Variants in C9 observed in about 807,000 individuals in gnomAD.
C9 encodes complement C9, also known as complement component C9.
Under a neutral mutation model 65.4 loss-of-function variants are expected in C9, and 63 were observed. The observed-to-expected ratio is 0.96, with a 90% CI of 0.79 to 1.19. The LOEUF is 1.19. Among genes scored for constraint, C9 ranks in the 50% most tolerant of loss-of-function variants. The pLI is 0.00. For missense variants in C9, 744 were observed against 670.1 expected, an observed-to-expected ratio of 1.11 and a Z score of -1.22; for synonymous variants, 229 against 227.9, an observed-to-expected ratio of 1.00 and a Z score of -0.04.
intron 1 of C9, among the ~76,000 whole-genome samples, chr5:39,357,493 G>C (rs1431244803): frequency 6.6e-6 from 1 of 152,210 alleles, no homozygotes; most frequent in East Asian, 1.9e-4. Context: ...AATTGTTCTA[G>C]TGGCTAAGGT....
chr5:39,314,762 C>T (rs1197474997), intron 6 of C9, among the ~76,000 whole-genome samples: 1 of 152,174 alleles, frequency 6.6e-6, no homozygotes, highest in Non-Finnish European at 1.5e-5. Context: ...TAAGCCTGAG[C>T]TTCCTTTTTA....
At chr5:39,298,674 A>G (rs1230628928) in intron 9 of C9, among the ~76,000 whole-genome samples, 1 of 151,792 alleles carries the variant, frequency 6.6e-6, no homozygotes, top group Non-Finnish European at 1.5e-5. Context: ...CAAACATTTA[A>G]AAAAGACATA....
rs772422977 is a variant in C9 at position 39,285,194 on chromosome 5, C to T, written c.*5G>A. The T allele has an allele frequency of 1.2e-6, 2 of 1,612,376 alleles. No homozygotes were observed. The highest frequency in any genetic ancestry group is 2.2e-5 in the South Asian group (2 of 91,046). ...TTCCACTGGAGCTCAGAGAAGCCAA[C>T]AGCTCTATTTTTCATTGGGGAACTC... On this transcript the variant is annotated 3_prime_UTR_variant, in exon 11 of 11. Transcript: ENST00000263408.
chr5:39,355,979 T>C (rs1429345855), intron 1 of C9, among the ~76,000 whole-genome samples: 9 of 152,208 alleles, frequency 5.9e-5, no homozygotes, highest in Admixed American at 5.9e-4. Context: ...TACAGTCACA[T>C]TAATAGGTAT....
intron 9 of C9, among the ~76,000 whole-genome samples, chr5:39,299,021 G>A (rs1240624915): frequency 2.0e-5 from 3 of 151,786 alleles, no homozygotes; most frequent in Admixed American, 1.3e-4. Context: ...AGCAAACTAG[G>A]AATTAAAGGG....
intron 1 of C9, among the ~76,000 whole-genome samples, chr5:39,343,912 C>CGGTCTGGATACCCAGCAAACAA (rs1336116225): frequency 6.6e-6 from 1 of 152,210 alleles, no homozygotes; most frequent in African/African-American, 2.4e-5. Context: ...CCAGCAAACA[C>CGGTCTGGATACCCAGCAAACAA]GGTCTGGAGT....
intron 1 of C9, among the ~76,000 whole-genome samples, chr5:39,361,080 C>A (rs1754508441): frequency 6.7e-6 from 1 of 149,898 alleles, no homozygotes. Flanking sequence ...CATATTGACT[C>A]AGAAAGTTAT....
intron 1 of C9, among the ~76,000 whole-genome samples, chr5:39,352,836 T>G (rs961284564): frequency 7.9e-6 from 1 of 125,920 alleles, no homozygotes; most frequent in South Asian, 2.2e-4. Flanking sequence ...AAGTCTAAGT[T>G]TTTTTTTTTT....
chr5:39,330,734 T>C (rs139845023), intron 5 of C9, among the ~76,000 whole-genome samples: 7 of 152,276 alleles, frequency 4.6e-5, no homozygotes, highest in African/African-American at 9.6e-5. Flanking sequence ...TTCTGACTTA[T>C]AGGTATAAGA....
chr5:39,311,813 T>C (rs1412562205), intron 6 of C9, among the ~76,000 whole-genome samples: 1 of 152,092 alleles, frequency 6.6e-6, no homozygotes, highest in African/African-American at 2.4e-5. Flanking sequence ...TAAACAACCA[T>C]AGCATATTAA....
intron 4 of C9, among the ~76,000 whole-genome samples, chr5:39,335,525 A>G (rs1201112572): frequency 6.6e-6 from 1 of 152,198 alleles, no homozygotes; most frequent in Non-Finnish European, 1.5e-5. Flanking sequence ...GTAGTATAGC[A>G]ACAATTTATA....
chr5:39,338,780 TA>T, intron 4 of C9, among the ~76,000 whole-genome samples: 1 of 152,262 alleles, frequency 6.6e-6, no homozygotes, highest in East Asian at 1.9e-4. Flanking sequence ...CTGACTGTGG[TA>T]AAGCGTGAGG....
chr5:39,331,410 T>C (rs1414950433), intron 5 of C9, among the ~76,000 whole-genome samples: 1 of 152,166 alleles, frequency 6.6e-6, no homozygotes. Context: ...TGATTTAATT[T>C]TTAGTTATGT....
chr5:39,311,023 A>G, intron 7 of C9, 114 bp downstream of exon 7: 1 of 1,155,794 alleles, frequency 8.7e-7, no homozygotes, highest in Non-Finnish European at 1.3e-6. Flanking sequence ...CTCTCAAAGG[A>G]GCAGGTTACA....
At chr5:39,298,060 A>T (rs1753216014) in intron 9 of C9, among the ~76,000 whole-genome samples, 1 of 151,732 alleles carries the variant, frequency 6.6e-6, no homozygotes, top group South Asian at 2.1e-4. Context: ...TAATTACCAC[A>T]TTTCTGAATA....
chr5:39,294,403 A>T (rs1753148094), intron 9 of C9, among the ~76,000 whole-genome samples: 1 of 151,836 alleles, frequency 6.6e-6, no homozygotes, highest in Non-Finnish European at 1.5e-5. Flanking sequence ...TACCACAGAA[A>T]CACAAAGGGT....
At chr5:39,293,112 A>G (rs937156228) in intron 9 of C9, among the ~76,000 whole-genome samples, 4 of 151,946 alleles carry the variant, frequency 2.6e-5, no homozygotes, top group African/African-American at 9.7e-5. Context: ...AAGCCATTCA[A>G]CTGCAAAGAT....
chr5:39,333,608 C>CCTTTCCATGGTCTCCCCTCTCCCTCT (rs1561347148), intron 4 of C9, among the ~76,000 whole-genome samples: 2 of 68,892 alleles, frequency 2.9e-5, no homozygotes, highest in Non-Finnish European at 3.7e-5. Flanking sequence ...CTCCCTCTCC[C>CCTTTCCATGGTCTCCCCTCTCCCTCT]CTTTCCATGG....
chr5:39,292,903 TA>T lies in C9; in HGVS notation c.1417-3953del, dbSNP rs1303486471. 9.9e-4 allele frequency among the ~76,000 whole-genome samples: 149 copies of T among 151,108 alleles called. 3 individuals carry two copies. The highest frequency in any genetic ancestry group is 3.4e-3 in the African/African-American group (141 of 41,222). On this transcript the variant is annotated intron_variant, in intron 9 of 10. Coordinates refer to ENST00000263408, the MANE Select transcript of C9 (RefSeq NM_001737.5). ...TTTTTTAAAAGAGACATGAGTAATA[TA>T]TCAATACTGGAAATAAAATGGAATC...
Sources: allele counts gnomAD v4.1 joint callset (sites outside exome capture counted in the v4.1 genomes callset), GRCh38; gene constraint gnomAD v4.1.1; transcripts MANE v1.5; gene names NCBI Gene and HGNC (gene_info 2026-07-23, HGNC 2026-07-21).